The following TRPM3 variants were observed in gnomAD, a reference collection of about 807,000 sequenced individuals.
TRPM3 encodes transient receptor potential cation channel subfamily M member 3.
A neutral mutation model predicts 181.2 loss-of-function variants in TRPM3; 77 were observed. That is an observed-to-expected ratio of 0.42 (90% CI 0.35 to 0.51). The LOEUF (loss-of-function observed/expected upper bound fraction) is 0.51. Among genes scored for constraint, TRPM3 ranks in the 20% least tolerant of loss-of-function variants. The pLI is 0.01. For missense variants in TRPM3, 1,759 were observed against 2,196.7 expected (o/e 0.80, Z 3.98); for synonymous variants, 745 against 796.4 (o/e 0.94, Z 1.09).
chr9:71,158,972 A>G (rs1385761910), intron 1 of TRPM3, among the ~76,000 whole-genome samples: 2 of 152,000 alleles, frequency 1.3e-5, no homozygotes, highest in African/African-American at 4.8e-5. Context: ...GCTGGAATCT[A>G]CACCATCAGT....
intron 5 of TRPM3, among the ~76,000 whole-genome samples, chr9:70,833,340 C>T (rs1376269285): frequency 6.6e-6 from 1 of 152,184 alleles, no homozygotes; most frequent in Non-Finnish European, 1.5e-5. Flanking sequence ...TCCCAAACCT[C>T]ATTACCTACT....
chr9:71,364,377 A>C (rs936106909), intron 1 of TRPM3, among the ~76,000 whole-genome samples: 4 of 152,250 alleles, frequency 2.6e-5, no homozygotes, highest in African/African-American at 9.6e-5. Flanking sequence ...ATGCCTAATT[A>C]AATGGGATAC....
At chr9:71,251,386 G>A (rs1289506758) in intron 1 of TRPM3, among the ~76,000 whole-genome samples, 1 of 152,040 alleles carries the variant, frequency 6.6e-6, no homozygotes, top group African/African-American at 2.4e-5. Flanking sequence ...TTCTCTACAA[G>A]ACTAAATGCT....
chr9:70,947,843 T>A (rs1241072925), intron 1 of TRPM3, among the ~76,000 whole-genome samples: 4 of 152,206 alleles, frequency 2.6e-5, no homozygotes, highest in African/African-American at 9.6e-5. Context: ...TAGCTTTGGA[T>A]TTTAAGTTTT....
At chr9:71,109,719 G>A (rs1378577042) in intron 1 of TRPM3, among the ~76,000 whole-genome samples, 2 of 152,082 alleles carry the variant, frequency 1.3e-5, no homozygotes, top group African/African-American at 2.4e-5. Flanking sequence ...CTCAGATGAA[G>A]AGAGACGGTA....
At chr9:70,803,031 TGTAAAAAA>T (rs1384846831) in intron 6 of TRPM3, among the ~76,000 whole-genome samples, 2 of 63,218 alleles carry the variant, frequency 3.2e-5, no homozygotes, top group Non-Finnish European at 7.2e-5. Context: ...GGAGAAATTT[TGTAAAAAA>T]AAAAAAAAAA....
chr9:70,618,803 C>A, intron 17 of TRPM3, 64 bp downstream of exon 17: 2 of 1,437,828 alleles, frequency 1.4e-6, no homozygotes, highest in Admixed American at 3.6e-5. Context: ...CAGATTTTGG[C>A]TGGGAAAACT....
At chr9:70,955,080 C>T (rs1328817188) in intron 1 of TRPM3, among the ~76,000 whole-genome samples, 1 of 152,144 alleles carries the variant, frequency 6.6e-6, no homozygotes, top group Non-Finnish European at 1.5e-5. Context: ...AAACTTGAAG[C>T]ATTTTTTTCC....
chr9:70,583,247 A>T (rs758945171), intron 22 of TRPM3, among the ~76,000 whole-genome samples: 5 of 152,204 alleles, frequency 3.3e-5, no homozygotes, highest in Admixed American at 2.0e-4. Flanking sequence ...GGAGGAGAGA[A>T]AAAAGAAATG....
intron 1 of TRPM3, among the ~76,000 whole-genome samples, chr9:71,314,328 T>G (rs575171860): frequency 6.6e-6 from 1 of 152,312 alleles, no homozygotes; most frequent in Middle Eastern, 3.4e-3. Context: ...AAACTTATTT[T>G]CCACATAGTC....
intron 22 of TRPM3, among the ~76,000 whole-genome samples, chr9:70,562,706 C>T (rs1432252483): frequency 6.6e-6 from 1 of 151,730 alleles, no homozygotes; most frequent in Non-Finnish European, 1.5e-5. Flanking sequence ...TCTTCCTATC[C>T]TATATATCTA....
At chr9:70,589,388 A>G (rs540114878) in intron 22 of TRPM3, among the ~76,000 whole-genome samples, 1 of 152,306 alleles carries the variant, frequency 6.6e-6, no homozygotes, top group South Asian at 2.1e-4. Flanking sequence ...CTCCCATCCC[A>G]AAATGTGGCA....
chr9:71,074,743 CTTG>C (rs1373819205), intron 1 of TRPM3, among the ~76,000 whole-genome samples: 3 of 152,060 alleles, frequency 2.0e-5, no homozygotes, highest in Non-Finnish European at 4.4e-5. Flanking sequence ...AGTAATTATT[CTTG>C]TTGTACTTAT....
intron 1 of TRPM3, among the ~76,000 whole-genome samples, chr9:70,886,821 T>C (rs140355806): frequency 4.4e-4 from 67 of 152,170 alleles, no homozygotes; most frequent in African/African-American, 1.5e-3. Context: ...TGCACCACCA[T>C]ACCTGGCTAA....
chr9:70,541,285 T>C (rs1418596251), intron 25 of TRPM3, among the ~76,000 whole-genome samples: 1 of 152,182 alleles, frequency 6.6e-6, no homozygotes, highest in African/African-American at 2.4e-5. Context: ...CTATGGGCTC[T>C]GAGATGGGCT....
chr9:71,080,360 C>T (rs1457932580), intron 1 of TRPM3, among the ~76,000 whole-genome samples: 5 of 151,974 alleles, frequency 3.3e-5, no homozygotes, highest in African/African-American at 9.7e-5. Context: ...AGCTCCCCAA[C>T]CCCCAACCAA....
At chr9:70,771,387 G>A (rs760691237) in intron 7 of TRPM3, among the ~76,000 whole-genome samples, 1 of 152,084 alleles carries the variant, frequency 6.6e-6, no homozygotes, top group African/African-American at 2.4e-5. Context: ...AGAGAATCAG[G>A]CTTCTCTTGT....
chr9:71,134,019 G>GCT (rs1491465030), intron 1 of TRPM3, among the ~76,000 whole-genome samples: 2 of 130,664 alleles, frequency 1.5e-5, no homozygotes, highest in African/African-American at 2.9e-5. Context: ...GTGTGTGCGC[G>GCT]TGCGCGCGCG....
At chr9:70,699,588 C>T (rs533538906) in intron 8 of TRPM3, among the ~76,000 whole-genome samples, 2 of 152,268 alleles carry the variant, frequency 1.3e-5, no homozygotes, top group South Asian at 2.1e-4. Flanking sequence ...TGGTTTAATC[C>T]TCACACCAAT....
Sources: allele counts gnomAD v4.1 joint callset (sites outside exome capture counted in the v4.1 genomes callset), GRCh38; gene constraint gnomAD v4.1.1; transcripts MANE v1.5; gene names NCBI Gene and HGNC (gene_info 2026-07-23, HGNC 2026-07-21).